Variants in DIAPH2 observed in about 807,000 individuals in gnomAD.
DIAPH2 encodes diaphanous related formin 2, also known as protein diaphanous homolog 2.
DIAPH2 carries 35 observed loss-of-function variants against 92.7 expected under a neutral mutation model. The observed-to-expected ratio is 0.38, with a 90% CI of 0.29 to 0.50. The LOEUF (loss-of-function observed/expected upper bound fraction) is 0.50. Among genes scored for constraint, DIAPH2 ranks in the 20% least tolerant of loss-of-function variants. DIAPH2 has a pLI of 0.94. For synonymous variants in DIAPH2, 301 were observed against 280.4 expected, an observed-to-expected ratio of 1.07 and a Z score of -0.73; for missense variants, 701 against 819.5, an observed-to-expected ratio of 0.86 and a Z score of 1.77.
chrX:96,787,707 T>TTTTTA (rs368119520), intron 4 of DIAPH2, among the ~76,000 whole-genome samples: 2 of 94,181 alleles, frequency 2.1e-5, no homozygotes, highest in Non-Finnish European at 2.1e-5. Flanking sequence ...TTTTTTTTTT[T>TTTTTA]TGAGACAGAG....
At chrX:96,812,807 C>A (rs757780072) in intron 4 of DIAPH2, among the ~76,000 whole-genome samples, 2 of 111,740 alleles carry the variant, frequency 1.8e-5, no homozygotes, top group Admixed American at 1.9e-4. Flanking sequence ...GCAGGTTGTT[C>A]AGTTTCCATG....
chrX:97,269,751 AT>A (rs1318136033), intron 23 of DIAPH2, among the ~76,000 whole-genome samples: 264 of 94,646 alleles, frequency 2.8e-3, no homozygotes, highest in East Asian at 9.5e-3. Flanking sequence ...TACTATTTTT[AT>A]TTTTTTTTTT....
chrX:96,985,439 G>A (rs2066024591), intron 17 of DIAPH2, among the ~76,000 whole-genome samples: 1 of 110,699 alleles, frequency 9.0e-6, no homozygotes, highest in African/African-American at 3.3e-5. Flanking sequence ...AGTTGCTGCT[G>A]CTGTTTTAAC....
intron 23 of DIAPH2, among the ~76,000 whole-genome samples, chrX:97,309,519 C>T (rs2068776404): frequency 8.9e-6 from 1 of 112,006 alleles, no homozygotes; most frequent in Non-Finnish European, 1.9e-5. Context: ...GGTAAGGTAA[C>T]TTTGTCATAT....
chrX:97,193,052 G>A (rs1225211812), intron 22 of DIAPH2, among the ~76,000 whole-genome samples: 8 of 84,727 alleles, frequency 9.4e-5, no homozygotes, highest in Admixed American at 6.3e-4. Flanking sequence ...TCTCTCTGTC[G>A]CCCAGGCTGG....
At chrX:97,266,222 G>A (rs938936158) in intron 23 of DIAPH2, among the ~76,000 whole-genome samples, 2 of 112,113 alleles carry the variant, frequency 1.8e-5, no homozygotes, top group African/African-American at 3.2e-5. Flanking sequence ...TGGCGAATAA[G>A]TCATAGTACT....
intron 23 of DIAPH2, among the ~76,000 whole-genome samples, chrX:97,329,934 A>C (rs867648655): frequency 1.4e-5 from 1 of 73,378 alleles, no homozygotes; most frequent in Non-Finnish European, 2.8e-5. Flanking sequence ...ACACACACAC[A>C]CACCCCACAT....
chrX:97,145,316 A>AGTAGTG (rs1019710437), intron 22 of DIAPH2, among the ~76,000 whole-genome samples: 25 of 107,105 alleles, frequency 2.3e-4, no homozygotes, highest in African/African-American at 7.4e-4. Context: ...TAGTAGTAGT[A>AGTAGTG]GTAGTAGTGG....
chrX:96,735,873 A>C (rs2064084248), intron 2 of DIAPH2, 83 bp downstream of exon 2: 1 of 519,117 alleles, frequency 1.9e-6, no homozygotes, highest in African/African-American at 2.4e-5. Context: ...GCATTGATAT[A>C]TGTAAGATAC....
At chrX:96,960,313 G>T (rs1322076913) in intron 16 of DIAPH2, among the ~76,000 whole-genome samples, 1 of 110,182 alleles carries the variant, frequency 9.1e-6, no homozygotes, top group Non-Finnish European at 1.9e-5. Flanking sequence ...TCTTATAAAG[G>T]TCTTTTACTT....
intron 22 of DIAPH2, among the ~76,000 whole-genome samples, chrX:97,203,976 G>A (rs371760873): frequency 6.0e-4 from 67 of 111,899 alleles, no homozygotes; most frequent in African/African-American, 1.8e-3. Flanking sequence ...TATCTACCAC[G>A]ATCAAGTTGG....
Position 96,916,528 on chromosome X carries a change from A to G in DIAPH2, c.823A>G (p.Ile275Val). 1 of 1,204,875 alleles carries G rather than the reference A, an allele frequency of 8.3e-7. No homozygotes were observed. Among genetic ancestry groups the G allele is most frequent in the African/African-American group, 1.7e-5 (1 of 57,271 alleles). ...DPKQPNMMTE[I>V]VKILSAICIV... Reference sequence around the variant, plus strand: ...CAAACAACCCAACATGATGACTGAAATAGTAAAAATACTTTCTGCTATTTG... The same window carrying G: ...CAAACAACCCAACATGATGACTGAAGTAGTAAAAATACTTTCTGCTATTTG... The change falls in exon 8 of 27, where the codon ATA becomes GTA. Residue 275 changes from isoleucine (I) to valine (V), a missense_variant. Around this residue, in one of 3 missense-constraint regions of DIAPH2, gnomAD observed 34 missense variants for 74.7 expected, o/e 0.46. Transcript: ENST00000324765.
At chrX:97,498,604 A>G (rs1468466033) in intron 26 of DIAPH2, among the ~76,000 whole-genome samples, 18 of 111,521 alleles carry the variant, frequency 1.6e-4, no homozygotes, top group Admixed American at 1.5e-3. Context: ...TATTTACAGA[A>G]TATTCTGTAT....
intron 26 of DIAPH2, among the ~76,000 whole-genome samples, chrX:97,451,572 A>G (rs1015177425): frequency 1.8e-5 from 2 of 111,861 alleles, no homozygotes; most frequent in Non-Finnish European, 3.8e-5. Context: ...AATAAGTGCA[A>G]TGTTATTGGT....
intron 26 of DIAPH2, among the ~76,000 whole-genome samples, chrX:97,539,429 A>G (rs2071122974): frequency 8.9e-6 from 1 of 112,084 alleles, no homozygotes; most frequent in Non-Finnish European, 1.9e-5. Flanking sequence ...GGGGTTTTTA[A>G]AAGCCAAATT....
intron 4 of DIAPH2, among the ~76,000 whole-genome samples, chrX:96,869,458 A>G (rs1239737196): frequency 9.1e-6 from 1 of 109,651 alleles, no homozygotes; most frequent in Non-Finnish European, 1.9e-5. Flanking sequence ...GCTGCTCAGG[A>G]GGCTGAGGCA....
intron 3 of DIAPH2, among the ~76,000 whole-genome samples, chrX:96,743,002 C>T (rs762011746): frequency 8.9e-6 from 1 of 112,534 alleles, no homozygotes; most frequent in African/African-American, 3.2e-5. Flanking sequence ...TTATGTACAA[C>T]ATTTACAGTG....
At chrX:97,407,559 G>A (rs1234025292) in intron 25 of DIAPH2, among the ~76,000 whole-genome samples, 1 of 112,515 alleles carries the variant, frequency 8.9e-6, no homozygotes, top group East Asian at 2.8e-4. Flanking sequence ...GATTGAAGCA[G>A]TGATGATGAA....
intron 26 of DIAPH2, among the ~76,000 whole-genome samples, chrX:97,573,378 C>A (rs913703136): frequency 2.7e-5 from 3 of 111,017 alleles, no homozygotes; most frequent in African/African-American, 9.8e-5. Context: ...AAGCTCTGTG[C>A]ATGTATGTTG....
Sources: gnomAD v4.1 joint callset for allele counts (sites outside exome capture counted in the v4.1 genomes callset) on GRCh38, gnomAD v4.1.1 for gene constraint, gnomAD v4.1.1 regional missense constraint, MANE v1.5 for transcripts, NCBI Gene and HGNC (gene_info 2026-07-23, HGNC 2026-07-21) for gene names.